Variants in B3GNT2 observed in about 807,000 individuals in gnomAD.
B3GNT2 encodes the protein UDP-GlcNAc:betaGal beta-1,3-N-acetylglucosaminyltransferase 2.
A neutral mutation model predicts 27.6 loss-of-function variants in B3GNT2; 12 were observed. The ratio of observed to expected loss-of-function variants is 0.44; its 90% CI spans 0.28 to 0.71. The LOEUF (loss-of-function observed/expected upper bound fraction) is 0.71, where lower values mean the gene tolerates loss of function less well. Among genes scored for constraint, B3GNT2 ranks in the 30% least tolerant of loss-of-function variants. The pLI is 0.17. For missense variants in B3GNT2, 413 were observed against 488.5 expected (o/e 0.85, Z 1.46); for synonymous variants, 192 against 189.7 (o/e 1.01, Z -0.10).
At chr2:62,220,528 C>G (rs545910243) in intron 1 of B3GNT2, among the ~76,000 whole-genome samples, 1 of 152,264 alleles carries the variant, frequency 6.6e-6, no homozygotes, top group African/African-American at 2.4e-5. Flanking sequence ...ACTTAAAAAT[C>G]CTCTCCTTTC....
intron 1 of B3GNT2, among the ~76,000 whole-genome samples, chr2:62,216,725 C>A (rs772255768): frequency 6.6e-6 from 1 of 152,264 alleles, no homozygotes; most frequent in African/African-American, 2.4e-5. Flanking sequence ...ATTAATAGAA[C>A]GGTGGGACAG....
At chr2:62,201,171 T>C (rs1674257263) in intron 1 of B3GNT2, among the ~76,000 whole-genome samples, 1 of 152,260 alleles carries the variant, frequency 6.6e-6, no homozygotes, top group Non-Finnish European at 1.5e-5. Context: ...GTAGGTCTTT[T>C]ATTGAAAATT....
chr2:62,208,210 T>TC (rs1193080768), intron 1 of B3GNT2, among the ~76,000 whole-genome samples: 1 of 137,676 alleles, frequency 7.3e-6, no homozygotes, highest in Non-Finnish European at 1.6e-5. Context: ...CCTCCTTCCT[T>TC]CCCCCCTTCC....
At chr2:62,196,690 CG>C (rs1462417082) in intron 1 of B3GNT2, among the ~76,000 whole-genome samples, 4 of 152,232 alleles carry the variant, frequency 2.6e-5, no homozygotes, top group Admixed American at 6.5e-5. Flanking sequence ...CCCTGGAGCC[CG>C]GGGACCTTCC....
intron 1 of B3GNT2, among the ~76,000 whole-genome samples, chr2:62,197,429 G>C (rs909990679): frequency 1.3e-5 from 2 of 152,168 alleles, no homozygotes; most frequent in African/African-American, 4.8e-5. Context: ...TATAACCTGG[G>C]TTGGCGAGGC....
At chr2:62,221,959 A>T (rs1674703924) in intron 1 of B3GNT2, 3 of 555,100 alleles carry the variant, frequency 5.4e-6, no homozygotes, top group South Asian at 5.1e-5. Flanking sequence ...TTTCCATATA[A>T]CATCATATAC....
intron 1 of B3GNT2, among the ~76,000 whole-genome samples, chr2:62,214,605 C>A (rs1674538449): frequency 6.6e-6 from 1 of 152,148 alleles, no homozygotes. Context: ...AGAGAGAAGA[C>A]TACTAAAGAG....
At chr2:62,198,795 T>C (rs1457318273) in intron 1 of B3GNT2, among the ~76,000 whole-genome samples, 1 of 152,154 alleles carries the variant, frequency 6.6e-6, no homozygotes, top group Non-Finnish European at 1.5e-5. Context: ...TTCAGATATG[T>C]GGTTTTTTTT....
chr2:62,207,739 A>G (rs887871010), intron 1 of B3GNT2, among the ~76,000 whole-genome samples: 1 of 152,238 alleles, frequency 6.6e-6, no homozygotes, highest in Non-Finnish European at 1.5e-5. Context: ...GACAGGAGGC[A>G]GAGCTCAGGC....
At chr2:62,203,082 G>C (rs760479734) in intron 1 of B3GNT2, among the ~76,000 whole-genome samples, 2 of 152,180 alleles carry the variant, frequency 1.3e-5, no homozygotes, top group Non-Finnish European at 2.9e-5. Flanking sequence ...AATCAACTCT[G>C]ACTTGGTTCT....
intron 1 of B3GNT2, chr2:62,205,936 G>T (rs1674363249): frequency 6.5e-6 from 1 of 154,330 alleles, no homozygotes; most frequent in African/African-American, 2.4e-5. Context: ...GGGATCCTGA[G>T]TGCCAGGAGA....
chr2:62,199,141 G>T (rs905277790), intron 1 of B3GNT2, among the ~76,000 whole-genome samples: 4 of 152,090 alleles, frequency 2.6e-5, no homozygotes, highest in Admixed American at 6.5e-5. Context: ...GGGTTTCACT[G>T]TGTTGGCCAG....
intron 1 of B3GNT2, among the ~76,000 whole-genome samples, chr2:62,203,162 T>G (rs924690686): frequency 2.6e-5 from 4 of 152,172 alleles, no homozygotes; most frequent in Admixed American, 6.5e-5. Flanking sequence ...GCCACTTCAT[T>G]AAAGTTAGTC....
intron 1 of B3GNT2, among the ~76,000 whole-genome samples, chr2:62,208,986 T>C (rs1674431255): frequency 2.0e-5 from 3 of 152,026 alleles, no homozygotes; most frequent in South Asian, 2.1e-4. Flanking sequence ...AGGTGACACA[T>C]TGGCGCTTTT....
chr2:62,196,844 C>T (rs1291760624), intron 1 of B3GNT2, among the ~76,000 whole-genome samples: 6 of 151,954 alleles, frequency 3.9e-5, no homozygotes, highest in African/African-American at 1.5e-4. Context: ...CTCGCTCGCA[C>T]CCCCGCACCC....
At chr2:62,220,357 A>G (rs1423857627) in intron 1 of B3GNT2, among the ~76,000 whole-genome samples, 1 of 152,234 alleles carries the variant, frequency 6.6e-6, no homozygotes, top group Admixed American at 6.5e-5. Context: ...AGTAGTAAAT[A>G]CAAGCAACCA....
intron 1 of B3GNT2, among the ~76,000 whole-genome samples, chr2:62,204,880 C>T (rs1674341296): frequency 6.6e-6 from 1 of 152,112 alleles, no homozygotes; most frequent in South Asian, 2.1e-4. Context: ...TTCAGGTAGC[C>T]ACCAGCGGCT....
chr2:62,197,178 G>A (rs1222870583), intron 1 of B3GNT2, among the ~76,000 whole-genome samples: 1 of 152,166 alleles, frequency 6.6e-6, no homozygotes, highest in African/African-American at 2.4e-5. Flanking sequence ...CTCGTGGGAA[G>A]GTGGGCGTGG....
intron 1 of B3GNT2, among the ~76,000 whole-genome samples, chr2:62,202,979 G>A (rs1192472290): frequency 1.3e-5 from 2 of 152,238 alleles, no homozygotes; most frequent in Non-Finnish European, 2.9e-5. Context: ...TCTCTGAGAG[G>A]AGGTTTTCTC....
Sources: allele counts gnomAD v4.1 joint callset (sites outside exome capture counted in the v4.1 genomes callset), GRCh38; gene constraint gnomAD v4.1.1; transcripts MANE v1.5; gene names NCBI Gene and HGNC (gene_info 2026-07-23, HGNC 2026-07-21).